PHF24: variants seen among roughly 807,000 people sequenced by gnomAD.
PHF24 encodes the protein Galpha inhibitory interacting protein.
In PHF24, 25 loss-of-function variants were observed where a neutral mutation model predicts 42.6. That is an observed-to-expected ratio of 0.59 (90% CI 0.43 to 0.82). The LOEUF (loss-of-function observed/expected upper bound fraction) is 0.82. Among genes scored for constraint, PHF24 ranks in the 40% least tolerant of loss-of-function variants. PHF24 has a pLI of 0.00. For missense variants in PHF24, 470 were observed against 538.1 expected (o/e 0.87, Z 1.25); for synonymous variants, 185 against 204.8 (o/e 0.90, Z 0.83).
At chr9:34,787,120 C>T in the PHF24 span, among the ~76,000 whole-genome samples, 2 of 151,944 alleles carry the variant, frequency 1.3e-5, no homozygotes, top group Non-Finnish European at 2.9e-5. Context: ...AATACATTTT[C>T]AAAAAATCAG....
the PHF24 span, among the ~76,000 whole-genome samples, chr9:34,703,654 A>G: frequency 8.3e-6 from 1 of 120,160 alleles, no homozygotes; most frequent in Non-Finnish European, 2.0e-5. Flanking sequence ...GTTTTTTTGT[A>G]GGCTACTTTG....
chr9:34,746,754 C>G, the PHF24 span, among the ~76,000 whole-genome samples: 1 of 152,128 alleles, frequency 6.6e-6, no homozygotes, highest in Non-Finnish European at 1.5e-5. Flanking sequence ...TCCCAGAGAC[C>G]TCAATTATGT....
chr9:34,835,554 C>T, the PHF24 span: 12 of 1,551,592 alleles, frequency 7.7e-6, no homozygotes, highest in African/African-American at 1.4e-5. Flanking sequence ...TGATGCTGGC[C>T]TTGGTTTCCC....
chr9:34,919,082 T>G, the PHF24 span, among the ~76,000 whole-genome samples: 3 of 152,182 alleles, frequency 2.0e-5, no homozygotes, highest in African/African-American at 7.2e-5. Context: ...TTTAAAATAG[T>G]TTTAAGTTTA....
At chr9:34,844,411 T>C in the PHF24 span, among the ~76,000 whole-genome samples, 1 of 152,186 alleles carries the variant, frequency 6.6e-6, no homozygotes, top group South Asian at 2.1e-4. Context: ...TCTTTTTTGA[T>C]GTAGGCATTT....
At chr9:34,886,742 A>ATCTG in the PHF24 span, among the ~76,000 whole-genome samples, 80 of 107,834 alleles carry the variant, frequency 7.4e-4, no homozygotes, top group African/African-American at 1.2e-3. Context: ...TTTTATATCT[A>ATCTG]TCTATCTATC....
the PHF24 span, among the ~76,000 whole-genome samples, chr9:34,882,572 G>A: frequency 6.6e-6 from 1 of 152,074 alleles, no homozygotes; most frequent in East Asian, 1.9e-4. Context: ...ACCAGTAACA[G>A]ACAAACAGAG....
the PHF24 span, among the ~76,000 whole-genome samples, chr9:34,929,177 C>T: frequency 6.6e-6 from 1 of 152,186 alleles, no homozygotes; most frequent in Non-Finnish European, 1.5e-5. Context: ...CCTCCATACT[C>T]CCACTGTCAA....
Position 34,976,775 on chromosome 9 carries a change from C to T in PHF24, c.849+35C>T, listed in dbSNP as rs1468097183. ...AGTTGGGGCAAATGTTCCTGGGATA[C>T]TGGGTGACAAGGGCCTGGGAGGCAC... On this transcript the variant is annotated intron_variant, in intron 5 of 7. Transcript: ENST00000242315. The T allele has an allele frequency of 1.9e-6, 3 of 1,586,160 alleles. No individual in the cohort carries two copies. The South Asian group carries it at 3.3e-5, about 18-fold the overall frequency.
chr9:34,800,234 T>A, the PHF24 span, among the ~76,000 whole-genome samples: 1 of 152,148 alleles, frequency 6.6e-6, no homozygotes, highest in Admixed American at 6.5e-5. Context: ...CAACACAAGA[T>A]GGTGTGAGGT....
the PHF24 span, among the ~76,000 whole-genome samples, chr9:34,924,579 A>AT: frequency 1.3e-5 from 2 of 152,124 alleles, no homozygotes; most frequent in African/African-American, 4.8e-5. Flanking sequence ...TTTAGCTGAT[A>AT]TTAGTATAGC....
chr9:34,689,509 A>G, the PHF24 span: 1 of 291,656 alleles, frequency 3.4e-6, no homozygotes, highest in Non-Finnish European at 6.3e-6. The surrounding 1 kb of genome is among the most constrained non-coding windows in gnomAD (Gnocchi z 4.1). Flanking sequence ...TTTTTTTTTA[A>G]GGCTAGTTAA....
the PHF24 span, among the ~76,000 whole-genome samples, chr9:34,896,095 A>C: frequency 6.6e-6 from 1 of 152,130 alleles, no homozygotes; most frequent in Non-Finnish European, 1.5e-5. Context: ...CCTGACACCT[A>C]GTGTGCATAT....
the PHF24 span, among the ~76,000 whole-genome samples, chr9:34,841,371 T>G: frequency 6.6e-6 from 1 of 152,178 alleles, no homozygotes; most frequent in African/African-American, 2.4e-5. Context: ...TGTTTCCACC[T>G]TTTTGCTGTC....
exon 8 of PHF24, chr9:34,978,029 C>T (rs1265484255): frequency 6.2e-7 from 1 of 1,614,080 alleles, no homozygotes; most frequent in Non-Finnish European, 8.5e-7. Context: ...GTGGACTGGC[C>T]TACCTTCCTG....
the PHF24 span, among the ~76,000 whole-genome samples, chr9:34,844,593 C>T: frequency 6.6e-6 from 1 of 151,948 alleles, no homozygotes; most frequent in East Asian, 1.9e-4. Context: ...TGAATTTTTC[C>T]CAAATTCTTC....
chr9:34,887,759 GT>G, the PHF24 span, among the ~76,000 whole-genome samples: 1 of 152,010 alleles, frequency 6.6e-6, no homozygotes, highest in African/African-American at 2.4e-5. Flanking sequence ...TATATACTAT[GT>G]TTTTTATTTA....
the PHF24 span, among the ~76,000 whole-genome samples, chr9:34,718,870 A>C: frequency 6.6e-6 from 1 of 152,206 alleles, no homozygotes; most frequent in Non-Finnish European, 1.5e-5. Context: ...CCCTCCAGCC[A>C]ATTCTGAAGT....
At chr9:34,978,726 C>T (rs1464745239) in exon 8 of PHF24, 1 of 152,238 alleles carries the variant, frequency 6.6e-6, no homozygotes, top group Non-Finnish European at 1.5e-5. Flanking sequence ...AAGAGTTAAA[C>T]ATCACCACTG....
Sources: allele counts gnomAD v4.1 joint callset (sites outside exome capture counted in the v4.1 genomes callset), GRCh38; gene constraint gnomAD v4.1.1; non-coding constraint Gnocchi (gnomAD v3.1); transcripts MANE v1.5; gene names NCBI Gene and HGNC (gene_info 2026-07-23, HGNC 2026-07-21).